ZMYND11: variants seen among roughly 807,000 people sequenced by gnomAD.
ZMYND11 encodes zinc finger MYND-type containing 11.
ZMYND11 carries 9 observed loss-of-function variants against 84.9 expected under a neutral mutation model. The observed-to-expected ratio is 0.11, with a 90% CI of 0.06 to 0.18. ZMYND11 has a LOEUF of 0.18. ZMYND11 is among the 10% of genes least tolerant of loss of function. The pLI, the probability that ZMYND11 is intolerant of heterozygous loss-of-function variation, is 1.00. For missense variants in ZMYND11, 409 were observed against 761.0 expected, an observed-to-expected ratio of 0.54 and a Z score of 5.44; for synonymous variants, 250 against 244.1, an observed-to-expected ratio of 1.02 and a Z score of -0.23.
intron 1 of ZMYND11, among the ~76,000 whole-genome samples, chr10:170,932 C>G (rs547144377): frequency 1.3e-5 from 2 of 152,014 alleles, no homozygotes; most frequent in Non-Finnish European, 1.5e-5. Flanking sequence ...CCAACAATAT[C>G]TTGACTGCCA....
chr10:179,436 G>A (rs1247857388), intron 1 of ZMYND11, among the ~76,000 whole-genome samples: 1 of 152,118 alleles, frequency 6.6e-6, no homozygotes, highest in Non-Finnish European at 1.5e-5. Flanking sequence ...TTCATAATTT[G>A]TGACCTTCTA....
At chr10:234,255 G>A (rs147080387) in intron 4 of ZMYND11, among the ~76,000 whole-genome samples, 478 of 152,324 alleles carry the variant, frequency 3.1e-3, no homozygotes, top group Middle Eastern at 0.031. Context: ...ATAATGCAGC[G>A]CACGGCGCCT....
chr10:182,504 G>C (rs1486211498), intron 2 of ZMYND11, among the ~76,000 whole-genome samples: 1 of 136,322 alleles, frequency 7.3e-6, no homozygotes. Flanking sequence ...CTCATCTAAA[G>C]ATGAAAAAGA....
chr10:182,926 C>T (rs957517051), intron 2 of ZMYND11, among the ~76,000 whole-genome samples: 1 of 151,994 alleles, frequency 6.6e-6, no homozygotes, highest in Admixed American at 6.6e-5. Context: ...TAGTCAAGTC[C>T]GAACATAAAG....
intron 1 of ZMYND11, among the ~76,000 whole-genome samples, chr10:140,116 C>T (rs1179614409): frequency 2.0e-5 from 3 of 152,100 alleles, no homozygotes; most frequent in Admixed American, 6.6e-5. Context: ...CACACACACA[C>T]ATACACACGC....
chr10:242,458 A>G (rs1464224744), intron 10 of ZMYND11, among the ~76,000 whole-genome samples: 1 of 152,150 alleles, frequency 6.6e-6, no homozygotes, highest in Non-Finnish European at 1.5e-5. Flanking sequence ...TACCATTACC[A>G]TATTCACAGT....
At chr10:200,206 G>GTGTGTGTGTGTGTGTA (rs1554774424) in intron 2 of ZMYND11, among the ~76,000 whole-genome samples, 2 of 3,484 alleles carry the variant, frequency 5.7e-4, no homozygotes, top group Non-Finnish European at 2.6e-3. Flanking sequence ...CCTGGCTAGG[G>GTGTGTGTGTGTGTGTA]TGTGTGTGTG....
intron 1 of ZMYND11, among the ~76,000 whole-genome samples, chr10:160,949 CTTTTTTTTTTTTT>C (rs57227207): frequency 2.1e-4 from 21 of 102,228 alleles, no homozygotes; most frequent in African/African-American, 3.5e-4. Flanking sequence ...AAATTACTTA[CTTTTTTTTTTTTT>C]TTTTTTTTTT....
chr10:247,101 C>T (rs1952311649), intron 11 of ZMYND11, 128 bp downstream of exon 11: 5 of 1,016,776 alleles, frequency 4.9e-6, no homozygotes, highest in Non-Finnish European at 7.2e-6. Flanking sequence ...TTGTAAAGTG[C>T]TCTGCAAAAC....
intron 8 of ZMYND11, 127 bp downstream of exon 8, chr10:240,238 G>GC (rs35155291): frequency 1.3e-5 from 10 of 772,822 alleles, no homozygotes; most frequent in Middle Eastern, 4.0e-4. Context: ...GGGCGTGGGG[G>GC]CTCACGCCTG....
intron 1 of ZMYND11, among the ~76,000 whole-genome samples, chr10:177,785 G>T (rs1554767253): frequency 1.3e-5 from 2 of 151,836 alleles, no homozygotes; most frequent in African/African-American, 4.8e-5. Flanking sequence ...TTATTCTTCA[G>T]TGTTTGCTCT....
At chr10:190,641 G>T (rs1322217282) in intron 2 of ZMYND11, among the ~76,000 whole-genome samples, 1 of 152,158 alleles carries the variant, frequency 6.6e-6, no homozygotes, top group African/African-American at 2.4e-5. Context: ...CAAGGCATTT[G>T]TACAAAGCTC....
At position 200,205 on chromosome 10, in the gene ZMYND11, G is replaced by GGTGTATGTGTGTGTGT. The variant is rs1942806467; in HGVS notation, c.117-9680_117-9679insATGTGTGTGTGTGTGT. 3.0e-5 allele frequency among the ~76,000 whole-genome samples: 4 copies of GGTGTATGTGTGTGTGT among 132,434 alleles called. 1 individual carries two copies. In the Admixed American group the frequency reaches 3.4e-4, roughly 11 times the overall value. 86.9% of individuals were successfully genotyped at this position (132,434 alleles called of 152,430 possible). ...GACATGTGCTGCCATGCCTGGCTAG[G>GGTGTATGTGTGTGTGT]GTGTGTGTGTGTGTGTGTGTATAAT... On this transcript the variant is annotated intron_variant, in intron 2 of 14. Coordinates refer to ENST00000381604, the MANE Select transcript of ZMYND11 (RefSeq NM_001370100.5).
chr10:200,270 T>TATATA (rs1261108237), intron 2 of ZMYND11, among the ~76,000 whole-genome samples: 1 of 140,082 alleles, frequency 7.1e-6, no homozygotes, highest in Non-Finnish European at 1.5e-5. Flanking sequence ...TATATAATTA[T>TATATA]ATATAATATA....
chr10:191,878 G>C (rs994266789), intron 2 of ZMYND11, among the ~76,000 whole-genome samples: 2 of 152,110 alleles, frequency 1.3e-5, no homozygotes, highest in African/African-American at 4.8e-5. Flanking sequence ...TGTAGTGGTT[G>C]CACAATGCAC....
At chr10:208,082 C>T (rs1564382854) in intron 2 of ZMYND11, among the ~76,000 whole-genome samples, 1 of 152,140 alleles carries the variant, frequency 6.6e-6, no homozygotes. Flanking sequence ...GCTGGGAAAA[C>T]TGGCTAGCCA....
intron 2 of ZMYND11, among the ~76,000 whole-genome samples, chr10:201,945 T>G (rs1197016841): frequency 6.6e-6 from 1 of 152,240 alleles, no homozygotes; most frequent in East Asian, 1.9e-4. Flanking sequence ...CAAATTGTTC[T>G]GTTTTCTCTT....
intron 2 of ZMYND11, among the ~76,000 whole-genome samples, chr10:190,682 T>G (rs1940144357): frequency 6.6e-6 from 1 of 152,240 alleles, no homozygotes; most frequent in Non-Finnish European, 1.5e-5. Flanking sequence ...TTTCTTCTTT[T>G]CATACCCAGC....
At chr10:236,748 A>T in intron 4 of ZMYND11, 90 bp from the exon 5 acceptor site, 1 of 1,095,130 alleles carries the variant, frequency 9.1e-7, no homozygotes, top group South Asian at 1.5e-5. Context: ...TTTGCATACT[A>T]TCTAAGTGTT....
Sources: allele counts gnomAD v4.1 joint callset (sites outside exome capture counted in the v4.1 genomes callset), GRCh38; gene constraint gnomAD v4.1.1; transcripts MANE v1.5; gene names NCBI Gene and HGNC (gene_info 2026-07-23, HGNC 2026-07-21).